TMCO5A: variants seen among roughly 807,000 people sequenced by gnomAD.
The protein encoded by TMCO5A is transmembrane and coiled-coil domains 5A.
Under a neutral mutation model 42.3 loss-of-function variants are expected in TMCO5A, and 34 were observed. The ratio of observed to expected loss-of-function variants is 0.80; its 90% CI spans 0.61 to 1.07. TMCO5A has a LOEUF of 1.07. Among genes scored for constraint, TMCO5A ranks in the 50% least tolerant of loss-of-function variants. The pLI is 0.00. For synonymous variants in TMCO5A, 131 were observed against 115.6 expected, an observed-to-expected ratio of 1.13 and a Z score of -0.86; for missense variants, 357 against 327.9, an observed-to-expected ratio of 1.09 and a Z score of -0.69.
the TMCO5A span, among the ~76,000 whole-genome samples, chr15:38,004,511 G>A: frequency 1.3e-5 from 2 of 152,090 alleles, no homozygotes; most frequent in Non-Finnish European, 2.9e-5. Context: ...GAACCCCACA[G>A]CAGTTTAGCC....
the TMCO5A span, among the ~76,000 whole-genome samples, chr15:38,012,939 A>C: frequency 6.6e-6 from 1 of 152,202 alleles, no homozygotes; most frequent in Non-Finnish European, 1.5e-5. Flanking sequence ...AACCCAAAGA[A>C]GGAACAAACT....
the TMCO5A span, among the ~76,000 whole-genome samples, chr15:38,039,308 A>G: frequency 0.043 from 6,550 of 152,280 alleles, 168 homozygotes; most frequent in South Asian, 0.078. Flanking sequence ...GTGTAAGAGA[A>G]AACGAATGTT....
chr15:37,999,105 C>T, the TMCO5A span, among the ~76,000 whole-genome samples: 16 of 152,248 alleles, frequency 1.1e-4, no homozygotes, highest in East Asian at 2.1e-3. Context: ...GGAGTTTCTC[C>T]GTGTTGGTCA....
At chr15:37,935,439 G>A (rs1889477218) in intron 2 of TMCO5A, 91 bp downstream of exon 2, 1 of 152,190 alleles carries the variant, frequency 6.6e-6, no homozygotes, top group South Asian at 2.1e-4. Context: ...CCCCAAGCAT[G>A]CCATACCTTC....
At chr15:37,998,738 T>C in the TMCO5A span, among the ~76,000 whole-genome samples, 5 of 152,164 alleles carry the variant, frequency 3.3e-5, no homozygotes, top group Non-Finnish European at 5.9e-5. Context: ...GTGGTGAATG[T>C]CATTGGTATT....
At chr15:37,974,895 C>G in the TMCO5A span, among the ~76,000 whole-genome samples, 1 of 152,152 alleles carries the variant, frequency 6.6e-6, no homozygotes, top group East Asian at 1.9e-4. Context: ...AAATTTTTCT[C>G]TAAACACTGC....
rs548041308 is a variant in TMCO5A at position 37,945,861 on chromosome 15, G to A, written c.628-1795G>A. On this transcript the variant is annotated intron_variant, in intron 10 of 11. Coordinates refer to ENST00000319669, the MANE Select transcript of TMCO5A (RefSeq NM_152453.4). ...TGATAGTTTATTTTCCCGTGCAGAAGCTCTTTAGTTTAAGTATATCCCACT... is the reference window on the plus strand; with the variant it reads ...TGATAGTTTATTTTCCCGTGCAGAAACTCTTTAGTTTAAGTATATCCCACT... Among the ~76,000 whole-genome samples, 220 of 152,194 alleles carry A rather than the reference G, an allele frequency of 1.4e-3. 2 individuals carry two copies. Among genetic ancestry groups the A allele is most frequent in the African/African-American group, 5.1e-3 (213 of 41,540 alleles).
the TMCO5A span, among the ~76,000 whole-genome samples, chr15:38,037,968 A>T: frequency 6.6e-6 from 1 of 151,716 alleles, no homozygotes; most frequent in Non-Finnish European, 1.5e-5. Context: ...AGCCAAGATC[A>T]CGCCATCACA....
the TMCO5A span, among the ~76,000 whole-genome samples, chr15:37,992,108 A>C: frequency 2.0e-5 from 3 of 152,194 alleles, no homozygotes; most frequent in Non-Finnish European, 4.4e-5. Context: ...GTATCTGACA[A>C]AGGTCTAATA....
chr15:38,005,226 C>T, the TMCO5A span, among the ~76,000 whole-genome samples: 2 of 144,536 alleles, frequency 1.4e-5, no homozygotes, highest in African/African-American at 5.2e-5. Flanking sequence ...TGGGGAGGTG[C>T]CAAAAGACAG....
At chr15:38,001,450 T>C in the TMCO5A span, among the ~76,000 whole-genome samples, 1 of 151,848 alleles carries the variant, frequency 6.6e-6, no homozygotes, top group Non-Finnish European at 1.5e-5. Context: ...TTTTTTTTTT[T>C]TTAACGAATT....
At chr15:37,952,513 G>A (rs1182956988), downstream of TMCO5A, among the ~76,000 whole-genome samples, 1 of 152,108 alleles carries the variant, frequency 6.6e-6, no homozygotes, top group Non-Finnish European at 1.5e-5. Flanking sequence ...AGTCCTGGAA[G>A]GACACATCAC....
the TMCO5A span, among the ~76,000 whole-genome samples, chr15:38,007,619 G>C: frequency 2.0e-5 from 3 of 152,244 alleles, no homozygotes; most frequent in South Asian, 2.1e-4. Flanking sequence ...GGTAGTTAAT[G>C]TCAAAGGCAA....
At chr15:37,957,521 T>A (rs1275607707) in intron 11 of TMCO5A, among the ~76,000 whole-genome samples, 1 of 152,088 alleles carries the variant, frequency 6.6e-6, no homozygotes, top group Non-Finnish European at 1.5e-5. Flanking sequence ...TACCTAGGAA[T>A]ACAACTTACA....
chr15:38,023,162 C>A, the TMCO5A span, among the ~76,000 whole-genome samples: 1 of 152,096 alleles, frequency 6.6e-6, no homozygotes. Context: ...GTAATCGAAG[C>A]AGTGTGGCAC....
At chr15:38,034,356 C>A in the TMCO5A span, among the ~76,000 whole-genome samples, 2 of 152,154 alleles carry the variant, frequency 1.3e-5, no homozygotes, top group East Asian at 1.9e-4. Context: ...TAAAATAAAT[C>A]CCTGTCCTCA....
the TMCO5A span, among the ~76,000 whole-genome samples, chr15:37,979,871 A>G: frequency 6.6e-6 from 1 of 152,058 alleles, no homozygotes; most frequent in Non-Finnish European, 1.5e-5. Flanking sequence ...CTGCCCACTG[A>G]GGGTAAGTGG....
At position 37,937,407 on chromosome 15, in the gene TMCO5A, G is replaced by A; in HGVS notation, c.315+11G>A. Reference sequence around the variant, plus strand: ...GAACTTCAACAAAAGGTGAGGTAGGGTACTTGTGTTCTCCAGTGCCCCCAC... The same window carrying A: ...GAACTTCAACAAAAGGTGAGGTAGGATACTTGTGTTCTCCAGTGCCCCCAC... On this transcript the variant is annotated intron_variant, in intron 5 of 11. Coordinates refer to ENST00000319669, the MANE Select transcript of TMCO5A (RefSeq NM_152453.4). 1 of 1,612,912 alleles carries A rather than the reference G, an allele frequency of 6.2e-7. No homozygotes were observed. Among genetic ancestry groups the A allele is most frequent in the Non-Finnish European group, 8.5e-7 (1 of 1,179,270 alleles).
chr15:37,941,215 G>C lies in TMCO5A; in HGVS notation c.444+10G>C, dbSNP rs1889728024. 6.2e-7 allele frequency: 1 copy of C among 1,612,612 alleles called. No individual in the cohort carries two copies. Among genetic ancestry groups the C allele is most frequent in the South Asian group, 1.1e-5 (1 of 90,978 alleles). ...GAAGGAGCTGCTCAAGGTAACAGCA[G>C]GAACTTCAATGTGACTTCTCCCCAA... On this transcript the variant is annotated intron_variant, in intron 7 of 11. Coordinates refer to ENST00000319669, the MANE Select transcript of TMCO5A (RefSeq NM_152453.4).
Sources: allele counts gnomAD v4.1 joint callset (sites outside exome capture counted in the v4.1 genomes callset), GRCh38; gene constraint gnomAD v4.1.1; transcripts MANE v1.5; gene names NCBI Gene and HGNC (gene_info 2026-07-23, HGNC 2026-07-21).